MICU3: variants seen among roughly 807,000 people sequenced by gnomAD.
MICU3 encodes the protein mitochondrial calcium uptake 3.
In MICU3, 62 loss-of-function variants were observed where a neutral mutation model predicts 66.5. The observed-to-expected ratio is 0.93, with a 90% CI of 0.76 to 1.15. The LOEUF (loss-of-function observed/expected upper bound fraction) is 1.15, where lower values mean the gene tolerates loss of function less well. Among genes scored for constraint, MICU3 ranks in the 50% most tolerant of loss-of-function variants. The pLI is 0.00. For synonymous variants in MICU3, 308 were observed against 240.7 expected, an observed-to-expected ratio of 1.28 and a Z score of -2.59; for missense variants, 779 against 664.4, an observed-to-expected ratio of 1.17 and a Z score of -1.90.
At chr8:17,030,384 T>C (rs971083052) in intron 1 of MICU3, among the ~76,000 whole-genome samples, 32 of 152,368 alleles carry the variant, frequency 2.1e-4, no homozygotes, top group African/African-American at 7.2e-4. Flanking sequence ...TTCTTATTAG[T>C]GTAACATCCA....
intron 1 of MICU3, among the ~76,000 whole-genome samples, chr8:17,048,249 A>T (rs1210508590): frequency 1.3e-5 from 2 of 152,224 alleles, no homozygotes; most frequent in Non-Finnish European, 2.9e-5. Flanking sequence ...GGAAAAAGAT[A>T]TTTATAGTAC....
downstream of MICU3, among the ~76,000 whole-genome samples, chr8:17,123,592 C>T (rs1312027193): frequency 2.6e-4 from 39 of 151,914 alleles, no homozygotes; most frequent in Non-Finnish European, 2.9e-5. Context: ...TCGAATGTTG[C>T]TGGTGAGCTG....
intron 1 of MICU3, among the ~76,000 whole-genome samples, chr8:17,054,963 T>C (rs1017395358): frequency 5.3e-5 from 8 of 151,944 alleles, no homozygotes; most frequent in African/African-American, 1.9e-4. Context: ...GGTCTCGATC[T>C]CCTGACCCCG....
intron 1 of MICU3, among the ~76,000 whole-genome samples, chr8:17,051,126 T>C (rs1816006891): frequency 6.6e-6 from 1 of 152,206 alleles, no homozygotes; most frequent in African/African-American, 2.4e-5. Context: ...AAAAAGTTCA[T>C]TGAACATGTT....
At chr8:17,078,264 G>T (rs1355649610) in intron 4 of MICU3, among the ~76,000 whole-genome samples, 1 of 151,756 alleles carries the variant, frequency 6.6e-6, no homozygotes, top group Non-Finnish European at 1.5e-5. Flanking sequence ...GTGAATTATA[G>T]ATGCTCCTAA....
intron 8 of MICU3, among the ~76,000 whole-genome samples, chr8:17,096,660 C>G (rs1012404580): frequency 2.6e-5 from 4 of 151,750 alleles, no homozygotes; most frequent in Non-Finnish European, 5.9e-5. Flanking sequence ...AGTAGTATAT[C>G]CTAGCATTGT....
chr8:17,033,488 T>G (rs1055248802), intron 1 of MICU3, among the ~76,000 whole-genome samples: 2 of 151,924 alleles, frequency 1.3e-5, no homozygotes, highest in Non-Finnish European at 2.9e-5. Context: ...CAGGCTGGAG[T>G]GCAGTGGCGT....
At chr8:17,125,902 C>G (rs995506333), downstream of MICU3, among the ~76,000 whole-genome samples, 3 of 151,686 alleles carry the variant, frequency 2.0e-5, no homozygotes, top group Non-Finnish European at 1.5e-5. Flanking sequence ...TGGTGGTGCA[C>G]GCCTGTAGTC....
chr8:17,111,470 T>C (rs1353040734), intron 11 of MICU3, among the ~76,000 whole-genome samples: 1 of 152,112 alleles, frequency 6.6e-6, no homozygotes, highest in African/African-American at 2.4e-5. Context: ...TACAGTCCCA[T>C]GCTACCACAC....
chr8:17,036,177 A>G (rs1023864240), intron 1 of MICU3, among the ~76,000 whole-genome samples: 3 of 152,016 alleles, frequency 2.0e-5, no homozygotes, highest in Non-Finnish European at 4.4e-5. Context: ...GTGAAGCTGC[A>G]GACCTTTGCG....
At chr8:17,056,834 G>T (rs1274970713) in intron 1 of MICU3, among the ~76,000 whole-genome samples, 5 of 152,188 alleles carry the variant, frequency 3.3e-5, no homozygotes, top group African/African-American at 9.6e-5. Flanking sequence ...CATTTGATAT[G>T]GAACATCGTG....
At chr8:17,107,859 T>C (rs1391358779) in intron 11 of MICU3, among the ~76,000 whole-genome samples, 3 of 152,218 alleles carry the variant, frequency 2.0e-5, no homozygotes, top group Non-Finnish European at 4.4e-5. Context: ...GTGCCAGATA[T>C]CTGATTCATG....
At chr8:17,027,985 C>A (rs1258368704) in intron 1 of MICU3, among the ~76,000 whole-genome samples, 1 of 152,130 alleles carries the variant, frequency 6.6e-6, no homozygotes, top group Non-Finnish European at 1.5e-5. Context: ...AAGTGGACCG[C>A]TGTAGGTGTG....
Position 17,120,524 on chromosome 8 carries a change from C to G in MICU3, c.*237C>G, listed in dbSNP as rs187611850. On this transcript the variant is annotated 3_prime_UTR_variant, in exon 15 of 15. Transcript: ENST00000318063. ...TCAAGTTGAGCTTTGCCTTGATTTG[C>G]TGAACTCTCTGCACTTTTTCATTCC... The G allele has an allele frequency of 6.6e-6, 1 of 152,210 alleles. No homozygotes were observed. Among genetic ancestry groups the G allele is most frequent in the African/African-American group, 2.4e-5 (1 of 41,566 alleles). The allele number at this position is 152,210 out of a possible 1,614,324, so 9.4% of individuals were successfully genotyped here.
At chr8:17,093,293 T>C (rs1800281818) in intron 8 of MICU3, among the ~76,000 whole-genome samples, 1 of 152,060 alleles carries the variant, frequency 6.6e-6, no homozygotes, top group Non-Finnish European at 1.5e-5. Context: ...TTAGAGGATT[T>C]TTTTAGAAGA....
intron 1 of MICU3, among the ~76,000 whole-genome samples, chr8:17,042,958 G>C (rs1476023994): frequency 1.3e-4 from 1 of 7,502 alleles, no homozygotes; most frequent in African/African-American, 1.1e-3. Context: ...TTTTTTTTTT[G>C]AGACGGAGTC....
Position 17,085,166 on chromosome 8 carries a change from C to G in MICU3, c.695-70C>G, listed in dbSNP as rs559129294. ...ATACAGAATATGAGTAACTTTACAA[C>G]TAATATGGATTTTGTACTTTAAAAT... On this transcript the variant is annotated intron_variant, in intron 5 of 14. Transcript: ENST00000318063. 1.3e-5 allele frequency: 13 copies of G among 1,002,160 alleles called. No individual in the cohort carries two copies. In the African/African-American group the frequency reaches 2.1e-4, roughly 16 times the overall value. 62.1% of individuals were successfully genotyped at this position (1,002,160 alleles called of 1,614,324 possible).
chr8:17,032,187 G>A (rs972496579), intron 1 of MICU3, among the ~76,000 whole-genome samples: 6 of 152,210 alleles, frequency 3.9e-5, no homozygotes, highest in Admixed American at 1.3e-4. Context: ...CAGGCTTTGG[G>A]AGATCAGATC....
chr8:17,118,858 A>G (rs1802948276), intron 14 of MICU3, 83 bp downstream of exon 14: 1 of 796,930 alleles, frequency 1.3e-6, no homozygotes, highest in South Asian at 1.9e-5. Context: ...TTTAGAAAAT[A>G]GCTGAAAGAA....
Sources: gnomAD v4.1 joint callset for allele counts (sites outside exome capture counted in the v4.1 genomes callset) on GRCh38, gnomAD v4.1.1 for gene constraint, MANE v1.5 for transcripts, NCBI Gene and HGNC (gene_info 2026-07-23, HGNC 2026-07-21) for gene names.